SLC22A2: variants seen among roughly 807,000 people sequenced by gnomAD.
SLC22A2 encodes solute carrier family 22 member 2, also known as organic cation transporter 2.
Under a neutral mutation model 60.5 loss-of-function variants are expected in SLC22A2, and 46 were observed. The observed-to-expected ratio is 0.76, with a 90% CI of 0.60 to 0.97. The LOEUF (loss-of-function observed/expected upper bound fraction) is 0.97, where lower values mean the gene tolerates loss of function less well. Among genes scored for constraint, SLC22A2 ranks in the 50% least tolerant of loss-of-function variants. The probability of loss-of-function intolerance (pLI) is 0.00; values close to 1 mark genes in which losing one functional copy is unlikely to be tolerated. For missense variants in SLC22A2, 701 were observed against 706.6 expected, an observed-to-expected ratio of 0.99 and a Z score of 0.09; for synonymous variants, 303 against 267.0, an observed-to-expected ratio of 1.13 and a Z score of -1.31.
intron 2 of SLC22A2, among the ~76,000 whole-genome samples, chr6:160,253,590 T>A (rs1422494520): frequency 6.6e-6 from 1 of 152,158 alleles, no homozygotes; most frequent in Non-Finnish European, 1.5e-5. Flanking sequence ...CACATAAAAG[T>A]AGGGTGCTGG....
intron 9 of SLC22A2, among the ~76,000 whole-genome samples, chr6:160,236,643 G>C (rs563104176): frequency 1.5e-3 from 107 of 73,206 alleles, no homozygotes; most frequent in African/African-American, 3.2e-3. Flanking sequence ...TTTCCTTTAA[G>C]AAATCAAACT....
rs372467753 is a variant in SLC22A2, at chr6:160,247,329, T to C, written c.843-31A>G. ...GTACAAGGTGAGCGGAGGGCAACTC[T>C]TACTGAATCCTCCTTACCCCATCCC... On this transcript the variant is annotated intron_variant, in intron 4 of 10. Transcript: ENST00000366953. The C allele has an allele frequency of 2.9e-5, 33 of 1,152,088 alleles. No individual in the cohort carries two copies. In the African/African-American group the frequency reaches 4.1e-4, roughly 14 times the overall value. The allele number at this position is 1,152,088 out of a possible 1,614,324, so 71.4% of individuals were successfully genotyped here.
chr6:160,224,889 C>T (rs200467081), intron 9 of SLC22A2, 85 bp from the exon 10 acceptor site: 1 of 583,258 alleles, frequency 1.7e-6, no homozygotes, highest in Non-Finnish European at 2.8e-6. Context: ...TTGTTTAAAA[C>T]TTTTTTTTAG....
At chr6:160,219,219 T>C (rs1447722143) in intron 10 of SLC22A2, among the ~76,000 whole-genome samples, 1 of 77,972 alleles carries the variant, frequency 1.3e-5, no homozygotes. Context: ...ACAGCAGCAA[T>C]AATTATAACA....
intron 9 of SLC22A2, among the ~76,000 whole-genome samples, chr6:160,225,329 T>G (rs1191832175): frequency 1.3e-5 from 2 of 152,218 alleles, no homozygotes; most frequent in African/African-American, 4.8e-5. Context: ...GCTATAATCT[T>G]TAATAATAAA....
chr6:160,255,904 T>C (rs1239547993), intron 2 of SLC22A2, among the ~76,000 whole-genome samples: 1 of 152,050 alleles, frequency 6.6e-6, no homozygotes, highest in Admixed American at 6.5e-5. Context: ...GCACAGTGAG[T>C]GTGGGATTCC....
intron 1 of SLC22A2, 91 bp downstream of exon 1, chr6:160,258,253 G>A (rs772501047): frequency 1.0e-5 from 14 of 1,405,406 alleles, no homozygotes; most frequent in Non-Finnish European, 1.3e-5. Context: ...GTCCAGGCAG[G>A]GTTTATAAGA....
chr6:160,235,954 A>C (rs1434099660), intron 9 of SLC22A2, among the ~76,000 whole-genome samples: 1 of 152,058 alleles, frequency 6.6e-6, no homozygotes, highest in African/African-American at 2.4e-5. Context: ...ATTATATGAA[A>C]CTCCTATAAT....
chr6:160,237,361 GT>G (rs1782926616), intron 9 of SLC22A2, among the ~76,000 whole-genome samples: 2 of 152,026 alleles, frequency 1.3e-5, no homozygotes, highest in Admixed American at 1.3e-4. Flanking sequence ...ACATATTGCC[GT>G]TTTACTCTTT....
intron 2 of SLC22A2, among the ~76,000 whole-genome samples, chr6:160,253,106 C>A (rs1783214166): frequency 6.6e-6 from 1 of 152,192 alleles, no homozygotes; most frequent in Non-Finnish European, 1.5e-5. Context: ...CAAGGGCAAG[C>A]TGGTGTTGTT....
In SLC22A2 at chr6:160,258,599, G is replaced by A. The variant is rs142989334; in HGVS notation, c.159C>T (p.Ser53=). ...GCAGACTCAGCTCGGCCACTCCGGG[G>A]CTCCGGCAGCGGTGGTCAGGGGTGA... ...LGFTPDHRCR[S]PGVAELSLRC... The change falls in exon 1 of 11, where the codon AGC becomes AGT. Residue 53 remains serine, a synonymous_variant. Transcript: ENST00000366953. 2.3e-4 allele frequency: 368 copies of A among 1,613,956 alleles called. 4 individuals carry two copies. In the South Asian group the frequency reaches 3.2e-3, roughly 14 times the overall value.
chr6:160,258,749 G>C lies in SLC22A2; in HGVS notation c.9C>G (p.Thr3=). 1 of 1,553,822 alleles carries C rather than the reference G, an allele frequency of 6.4e-7. No individual in the cohort carries two copies. Residue 3 remains threonine, a synonymous_variant, in exon 1 of 11, where the codon ACC becomes ACG. Transcript: ENST00000366953. MP[T]TVDDVLEHGG... ...CATGCTCCAGGACATCGTCCACGGT[G>C]GTGGGCATGATCCTGCAGGCAGGAG...
chr6:160,232,631 T>G (rs1007934105), intron 9 of SLC22A2, among the ~76,000 whole-genome samples: 1 of 151,532 alleles, frequency 6.6e-6, no homozygotes, highest in African/African-American at 2.4e-5. Flanking sequence ...AGTCATTCAC[T>G]GCAAAGGCCA....
chr6:160,229,999 G>C, intron 9 of SLC22A2, among the ~76,000 whole-genome samples: 1 of 151,744 alleles, frequency 6.6e-6, no homozygotes. Flanking sequence ...CCTAGTCTCT[G>C]TTCCCAATGC....
rs765415036 is a variant in SLC22A2, at chr6:160,258,421, T to C, written c.337A>G (p.Asn113Asp). The change falls in exon 1 of 11, where the codon AAC becomes GAC. Residue 113 changes from asparagine (N) to aspartate (D), a missense_variant. Coordinates refer to ENST00000366953, the MANE Select transcript of SLC22A2 (RefSeq NM_003058.4). ...CVDPLASLDT[N>D]RSRLPLGPCR... ...GGGCCCAGTGGCAGGCGGCTCCTGT[T>C]GGTGTCCAGGCTGGCCAGGGGGTCC... 15 of 1,613,984 alleles carry C rather than the reference T, an allele frequency of 9.3e-6. No individual in the cohort carries two copies. In the Admixed American group the frequency reaches 1.3e-4, roughly 14 times the overall value.
chr6:160,258,526 G>C lies in SLC22A2; in HGVS notation c.232C>G (p.Pro78Ala). The change falls in exon 1 of 11, where the codon CCA becomes GCA. Residue 78 changes from proline (P) to alanine (A), a missense_variant. Physicochemically the swap from Pro to Ala is conservative, Grantham distance 27. Transcript: ENST00000366953. The stretch of plus-strand genomic sequence containing the variant: ...GGGGAGGCTTCGCCCGCAGGTCCTG[G>C]GCCCGGCACCGTGTAGTTCAGTTCC... ...AEELNYTVPG[P>A]GPAGEASPRQ... is the part of the protein sequence containing the mutation. 1 of 1,614,126 alleles carries C rather than the reference G, an allele frequency of 6.2e-7. No homozygotes were observed. Among genetic ancestry groups the C allele is most frequent in the Non-Finnish European group, 8.5e-7 (1 of 1,180,000 alleles).
At chr6:160,255,178 G>A (rs1398662574) in intron 2 of SLC22A2, among the ~76,000 whole-genome samples, 8 of 152,172 alleles carry the variant, frequency 5.3e-5, no homozygotes, top group Admixed American at 5.2e-4. Context: ...CACCTTGCAA[G>A]CCTCCCGCAG....
rs931651372 is a variant in SLC22A2, at chr6:160,256,698, T to C, written c.434A>G (p.Asn145Ser). The C allele has an allele frequency of 3.2e-5, 51 of 1,613,394 alleles. No homozygotes were observed. Among genetic ancestry groups the C allele is most frequent in the Non-Finnish European group, 4.1e-5 (48 of 1,179,710 alleles). ...CTGGAATAGGTCCAACATCCAGGAG[T>C]TGGCACATACCAGGTTAAACTGCCA... ...IVTEFNLVCA[N>S]SWMLDLFQSS... is the part of the protein sequence containing the mutation. The change falls in exon 2 of 11, where the codon AAC (asparagine) becomes AGC (serine). Residue 145 changes from asparagine to serine, a missense_variant. Coordinates refer to ENST00000366953, the MANE Select transcript of SLC22A2 (RefSeq NM_003058.4).
intron 1 of SLC22A2, among the ~76,000 whole-genome samples, 170 bp from the exon 2 acceptor site, chr6:160,256,887 C>A: frequency 7.5e-6 from 1 of 133,124 alleles, no homozygotes; most frequent in East Asian, 2.4e-4. Context: ...TTTTCTTCTT[C>A]TTCTCTCTCT....
Sources: allele counts gnomAD v4.1 joint callset (sites outside exome capture counted in the v4.1 genomes callset), GRCh38; gene constraint gnomAD v4.1.1; transcripts MANE v1.5; gene names NCBI Gene and HGNC (gene_info 2026-07-23, HGNC 2026-07-21).